The following BMPR1B variants were observed in gnomAD, a reference collection of about 807,000 sequenced individuals.
BMPR1B encodes the protein bone morphogenetic protein receptor type-1B.
BMPR1B carries 12 observed loss-of-function variants against 59.1 expected under a neutral mutation model. The observed-to-expected ratio is 0.20, with a 90% CI of 0.13 to 0.33. The LOEUF is 0.33. Ranked by LOEUF, BMPR1B falls within the 10% of genes least tolerant of loss-of-function variation. BMPR1B has a pLI of 1.00. For synonymous variants in BMPR1B, 237 were observed against 207.3 expected (o/e 1.14, Z -1.23); for missense variants, 550 against 610.9 (o/e 0.90, Z 1.05).
At chr4:94,943,431 CTATT>C (rs1729594743) in intron 2 of BMPR1B, among the ~76,000 whole-genome samples, 1 of 152,182 alleles carries the variant, frequency 6.6e-6, no homozygotes, top group South Asian at 2.1e-4. Context: ...CCTCCACTCA[CTATT>C]TATGTGACAT....
intron 2 of BMPR1B, among the ~76,000 whole-genome samples, chr4:94,944,071 T>C (rs933247779): frequency 2.0e-5 from 3 of 152,142 alleles, no homozygotes; most frequent in African/African-American, 7.2e-5. Flanking sequence ...TAAAATATTA[T>C]ATAAAATTAC....
chr4:95,013,696 ATTGT>A (rs1723378842), intron 3 of BMPR1B, among the ~76,000 whole-genome samples: 1 of 152,184 alleles, frequency 6.6e-6, no homozygotes, highest in South Asian at 2.1e-4. Flanking sequence ...AAAAGATATA[ATTGT>A]TTGAAGTCAT....
intron 1 of BMPR1B, among the ~76,000 whole-genome samples, chr4:94,774,254 T>C (rs1722288487): frequency 1.3e-5 from 2 of 152,116 alleles, no homozygotes; most frequent in Admixed American, 1.3e-4. Context: ...AAGCCCCTGG[T>C]AATTCATCCT....
At chr4:94,904,928 A>G (rs1727980600) in intron 2 of BMPR1B, among the ~76,000 whole-genome samples, 1 of 152,056 alleles carries the variant, frequency 6.6e-6, no homozygotes, top group African/African-American at 2.4e-5. Context: ...TATTTTATGA[A>G]ATGGTCTGCC....
chr4:94,922,775 T>A (rs183948174), intron 2 of BMPR1B, among the ~76,000 whole-genome samples: 67 of 152,298 alleles, frequency 4.4e-4, no homozygotes, highest in Middle Eastern at 3.4e-3. Context: ...ATCAACAGTA[T>A]GATCCATAAA....
chr4:94,904,832 A>T (rs151274395), intron 2 of BMPR1B, among the ~76,000 whole-genome samples: 1 of 152,098 alleles, frequency 6.6e-6, no homozygotes, highest in African/African-American at 2.4e-5. Context: ...CGAACTTGGA[A>T]TATTGCACTC....
chr4:94,878,501 C>G (rs888193592), intron 2 of BMPR1B, among the ~76,000 whole-genome samples: 1 of 152,186 alleles, frequency 6.6e-6, no homozygotes, highest in South Asian at 2.1e-4. Context: ...AGAGGACTTT[C>G]TTGTTACACT....
chr4:94,818,755 A>C (rs1348956267), intron 1 of BMPR1B, among the ~76,000 whole-genome samples: 1 of 152,140 alleles, frequency 6.6e-6, no homozygotes, highest in Non-Finnish European at 1.5e-5. Flanking sequence ...TCACTTGAAG[A>C]AATGTTTTAT....
chr4:95,071,678 A>G (rs1455714169), intron 3 of BMPR1B, among the ~76,000 whole-genome samples: 2 of 145,700 alleles, frequency 1.4e-5, no homozygotes, highest in Non-Finnish European at 3.0e-5. Context: ...ATATATATAT[A>G]TATGAACTCT....
intron 3 of BMPR1B, among the ~76,000 whole-genome samples, chr4:94,997,044 TACTACAC>T (rs1259467758): frequency 1.3e-5 from 2 of 152,238 alleles, no homozygotes; most frequent in Admixed American, 1.3e-4. Flanking sequence ...TGTTTATATG[TACTACAC>T]ATGGACTAGA....
intron 7 of BMPR1B, 129 bp from the exon 8 acceptor site, chr4:95,124,854 A>C: frequency 8.2e-6 from 7 of 852,338 alleles, no homozygotes; most frequent in Non-Finnish European, 1.3e-5. Flanking sequence ...AGAGTAAAAA[A>C]TATGAAGCAT....
chr4:95,070,235 G>C (rs1414166460), intron 3 of BMPR1B, among the ~76,000 whole-genome samples: 1 of 152,212 alleles, frequency 6.6e-6, no homozygotes, highest in African/African-American at 2.4e-5. Flanking sequence ...GGTAAGAAAT[G>C]ATGAGGGCCT....
At chr4:95,037,302 A>G (rs1310695415) in intron 3 of BMPR1B, among the ~76,000 whole-genome samples, 3 of 152,196 alleles carry the variant, frequency 2.0e-5, no homozygotes, top group African/African-American at 7.2e-5. Context: ...AGCAATATTT[A>G]GATTTGCATT....
chr4:94,984,346 T>G (rs1721273157), intron 2 of BMPR1B, among the ~76,000 whole-genome samples: 1 of 152,348 alleles, frequency 6.6e-6, no homozygotes, highest in Non-Finnish European at 1.5e-5. Flanking sequence ...TGATTGCCAG[T>G]AAACTCAATG....
chr4:94,926,903 A>G (rs1278424635), intron 2 of BMPR1B, among the ~76,000 whole-genome samples: 1 of 152,138 alleles, frequency 6.6e-6, no homozygotes, highest in Non-Finnish European at 1.5e-5. Context: ...TTTATTTTGA[A>G]AACTTATTAA....
At chr4:94,872,962 T>A (rs1359763058) in intron 1 of BMPR1B, among the ~76,000 whole-genome samples, 1 of 152,224 alleles carries the variant, frequency 6.6e-6, no homozygotes, top group Non-Finnish European at 1.5e-5. Flanking sequence ...CTAGGATATG[T>A]CTTTATGGGA....
intron 3 of BMPR1B, among the ~76,000 whole-genome samples, chr4:95,094,247 A>T (rs547159745): frequency 1.3e-5 from 2 of 152,218 alleles, no homozygotes; most frequent in African/African-American, 4.8e-5. Flanking sequence ...AGAAAATAAG[A>T]ATATTTTAGT....
Position 94,949,483 on chromosome 4 carries a change from A to T in BMPR1B, c.-112-46557A>T, listed in dbSNP as rs1235427708. Among the ~76,000 whole-genome samples the T allele has an allele frequency of 1.9e-5, 2 of 103,292 alleles. 1 individual carries two copies. The highest frequency in any genetic ancestry group is 4.1e-5 in the Non-Finnish European group (2 of 49,202). 67.8% of individuals were successfully genotyped at this position (103,292 alleles called of 152,430 possible). A position where few individuals can be genotyped will look rare whatever the true frequency, so the allele number is the denominator to read the frequency against. ...AGGCGCCTGCCACCGCGCCCGGCTG[A>T]TTTTTTGTATTTTTAGTAGAGACGG... On this transcript the variant is annotated intron_variant, in intron 2 of 12. Transcript: ENST00000515059.
At chr4:94,870,934 T>G (rs1726463911) in intron 1 of BMPR1B, among the ~76,000 whole-genome samples, 2 of 152,112 alleles carry the variant, frequency 1.3e-5, no homozygotes, top group Non-Finnish European at 2.9e-5. Context: ...ACATCCCAAG[T>G]TCTCAAGTGC....
Sources: gnomAD v4.1 joint callset for allele counts (sites outside exome capture counted in the v4.1 genomes callset) on GRCh38, gnomAD v4.1.1 for gene constraint, MANE v1.5 for transcripts, NCBI Gene and HGNC (gene_info 2026-07-23, HGNC 2026-07-21) for gene names.